Variants in KCTD3 observed in about 807,000 individuals in gnomAD.
The protein encoded by KCTD3 is BTB/POZ domain-containing protein KCTD3.
In KCTD3, 41 loss-of-function variants were observed where a neutral mutation model predicts 85.8. The observed-to-expected ratio is 0.48, with a 90% CI of 0.37 to 0.62. KCTD3 has a LOEUF of 0.62. Among genes scored for constraint, KCTD3 ranks in the 20% least tolerant of loss-of-function variants. The probability of loss-of-function intolerance (pLI) is 0.00; values close to 1 mark genes in which losing one functional copy is unlikely to be tolerated. For synonymous variants in KCTD3, 338 were observed against 345.4 expected, an observed-to-expected ratio of 0.98 and a Z score of 0.24; for missense variants, 724 against 989.9, an observed-to-expected ratio of 0.73 and a Z score of 3.60.
chr1:215,582,133 A>T (rs1233416239), intron 8 of KCTD3, among the ~76,000 whole-genome samples: 1 of 152,150 alleles, frequency 6.6e-6, no homozygotes, highest in Non-Finnish European at 1.5e-5. Context: ...ACTTTTTTGT[A>T]TGTGGTATGA....
Position 215,601,853 on chromosome 1 carries a change from T to G in KCTD3, c.934-14T>G, listed in dbSNP as rs371409133. On this transcript the variant is annotated splice_polypyrimidine_tract_variant and intron_variant, in intron 10 of 17. Coordinates refer to ENST00000259154, the MANE Select transcript of KCTD3 (RefSeq NM_016121.5). ...ATTACTATCTAACATCTGATAATAC[T>G]CTCACTACATCAGGTTCAAGATGTT... 9 of 1,376,970 alleles carry G rather than the reference T, an allele frequency of 6.5e-6. No individual in the cohort carries two copies. The highest frequency in any genetic ancestry group is 9.2e-6 in the Non-Finnish European group (9 of 976,246). 85.3% of individuals were successfully genotyped at this position (1,376,970 alleles called of 1,614,324 possible).
chr1:215,577,002 C>G (rs1193758202), intron 4 of KCTD3, among the ~76,000 whole-genome samples: 1 of 152,062 alleles, frequency 6.6e-6, no homozygotes, highest in Non-Finnish European at 1.5e-5. Context: ...ACAACTGAAA[C>G]CTAAGATGAA....
Position 215,586,562 on chromosome 1 carries a change from G to A in KCTD3, c.694G>A (p.Val232Ile), listed in dbSNP as rs1190419560. 6.2e-7 allele frequency: 1 copy of A among 1,613,960 alleles called. No homozygotes were observed. Among genetic ancestry groups the A allele is most frequent in the Non-Finnish European group, 8.5e-7 (1 of 1,180,010 alleles). The change falls in exon 9 of 18, where the codon GTA (valine) becomes ATA (isoleucine). Residue 232 changes from valine (V) to isoleucine (I), a missense_variant. By Grantham distance (29) the Val-to-Ile change is conservative. This residue lies in a region of KCTD3 where 146 missense variants were observed against 320.3 expected (regional missense o/e 0.46). Coordinates refer to ENST00000259154, the MANE Select transcript of KCTD3 (RefSeq NM_016121.5). ...ATATTTGGATTGGACTATCGAACGA[G>A]TAGCTTTAAATGCAAAGGTGGTTGG... ...SPYLDWTIER[V>I]ALNAKVVGGP...
intron 1 of KCTD3, among the ~76,000 whole-genome samples, chr1:215,569,464 A>C (rs938079737): frequency 2.0e-5 from 3 of 152,068 alleles, no homozygotes; most frequent in Admixed American, 2.0e-4. Flanking sequence ...GACATACAGT[A>C]TTATTGTAAA....
At chr1:215,607,277 T>C (rs912303463) in intron 13 of KCTD3, among the ~76,000 whole-genome samples, 3 of 151,864 alleles carry the variant, frequency 2.0e-5, no homozygotes, top group African/African-American at 7.2e-5. Flanking sequence ...AATGGCAAAA[T>C]CAGTATATTT....
chr1:215,579,824 G>A (rs1659745894), intron 7 of KCTD3, 85 bp from the exon 8 acceptor site: 2 of 895,948 alleles, frequency 2.2e-6, no homozygotes, highest in African/African-American at 1.7e-5. Context: ...ACCAAAACAG[G>A]CAGAAGGCTG....
intron 7 of KCTD3, among the ~76,000 whole-genome samples, chr1:215,579,340 C>T (rs1399198801): frequency 6.6e-6 from 1 of 151,950 alleles, no homozygotes; most frequent in Non-Finnish European, 1.5e-5. Context: ...ATCTTTAGAA[C>T]AGGGTTGCCA....
At chr1:215,601,281 TA>T (rs1558239652) in intron 10 of KCTD3, among the ~76,000 whole-genome samples, 1 of 152,180 alleles carries the variant, frequency 6.6e-6, no homozygotes, top group Non-Finnish European at 1.5e-5. Flanking sequence ...TCCTATACTT[TA>T]AAAAAATAAA....
At chr1:215,618,175 G>A (rs750249179) in intron 15 of KCTD3, 1 of 461,682 alleles carries the variant, frequency 2.2e-6, no homozygotes, top group Non-Finnish European at 4.5e-6. Flanking sequence ...ACTTTCCTTA[G>A]AGTTGATTGT....
At chr1:215,611,716 T>G (rs1408994898) in intron 14 of KCTD3, 109 bp from the exon 15 acceptor site, 1 of 652,326 alleles carries the variant, frequency 1.5e-6, no homozygotes, top group Non-Finnish European at 2.7e-6. Flanking sequence ...GATACCATAT[T>G]GGTACGTATA....
At chr1:215,571,098 C>G (rs1342863810) in intron 1 of KCTD3, among the ~76,000 whole-genome samples, 3 of 152,096 alleles carry the variant, frequency 2.0e-5, no homozygotes, top group African/African-American at 7.2e-5. Context: ...TTGTGATTTT[C>G]TAAGTAGCAC....
At chr1:215,568,605 G>C (rs1481084671) in intron 1 of KCTD3, among the ~76,000 whole-genome samples, 1 of 150,828 alleles carries the variant, frequency 6.6e-6, no homozygotes, top group Non-Finnish European at 1.5e-5. Flanking sequence ...GAGTTTGCCA[G>C]CTGTTTGAAA....
chr1:215,575,429 A>G (rs2102555155), intron 3 of KCTD3, among the ~76,000 whole-genome samples: 1 of 152,282 alleles, frequency 6.6e-6, no homozygotes, highest in African/African-American at 2.4e-5. Flanking sequence ...ATTCTTTTCC[A>G]CTTTTGACAG....
At chr1:215,585,136 T>A (rs935624020) in intron 8 of KCTD3, among the ~76,000 whole-genome samples, 5 of 152,000 alleles carry the variant, frequency 3.3e-5, no homozygotes, top group Admixed American at 3.3e-4. Flanking sequence ...TCAGGGTGAG[T>A]CCTTAGAGTA....
chr1:215,580,067 T>C, intron 8 of KCTD3, 68 bp downstream of exon 8: 1 of 1,063,066 alleles, frequency 9.4e-7, no homozygotes, highest in Non-Finnish European at 1.4e-6. Flanking sequence ...GATTTTATAT[T>C]TTTAGATTGA....
At position 215,619,060 on chromosome 1, in the gene KCTD3, T is replaced by A. The variant is rs760426861; in HGVS notation, c.1737T>A (p.Ser579Arg). 1 of 1,611,694 alleles carries A rather than the reference T, an allele frequency of 6.2e-7. No homozygotes were observed. The highest frequency in any genetic ancestry group is 8.5e-7 in the Non-Finnish European group (1 of 1,179,104). ...LTTAMDMVNK[S>R]EDKDVGGPTE... ...CTGCTATGGATATGGTTAACAAAAG[T>A]GAAGATAAGGGTAGGTTCTCATACA... Residue 579 changes from serine to arginine, a missense_variant, in exon 16 of 18, where the codon AGT (serine) becomes AGA (arginine). Ser to Arg is a moderately radical substitution (Grantham distance 110, BLOSUM62 -1). Coordinates refer to ENST00000259154, the MANE Select transcript of KCTD3 (RefSeq NM_016121.5).
At chr1:215,601,579 CA>C (rs1230555140) in intron 10 of KCTD3, among the ~76,000 whole-genome samples, 2 of 151,028 alleles carry the variant, frequency 1.3e-5, no homozygotes, top group Non-Finnish European at 1.5e-5. Context: ...TGATCACATG[CA>C]AAAAAAGAGG....
intron 13 of KCTD3, among the ~76,000 whole-genome samples, chr1:215,606,168 G>A (rs1655013908): frequency 6.6e-6 from 1 of 151,896 alleles, no homozygotes; most frequent in African/African-American, 2.4e-5. Flanking sequence ...TCGAACTTTT[G>A]TGTTTGTTCT....
rs1439848134 is a variant in KCTD3, at chr1:215,601,478, T to A, written c.934-389T>A. ...CTGTCACTTGCTTACTGTGTAACTT[T>A]GGACAGGTCATTTAATCTCTTGTAT... On this transcript the variant is annotated intron_variant, in intron 10 of 17. Transcript: ENST00000259154. Among the ~76,000 whole-genome samples, 33 of 152,302 alleles carry A rather than the reference T, an allele frequency of 2.2e-4. 1 individual carries two copies. Among genetic ancestry groups the A allele is most frequent in the Non-Finnish European group, 4.4e-5 (3 of 68,022 alleles).
Sources: allele counts gnomAD v4.1 joint callset (sites outside exome capture counted in the v4.1 genomes callset), GRCh38; gene constraint gnomAD v4.1.1; regional missense constraint gnomAD v4.1.1; transcripts MANE v1.5; gene names NCBI Gene and HGNC (gene_info 2026-07-23, HGNC 2026-07-21).